MYB: variants seen among roughly 807,000 people sequenced by gnomAD.
The protein encoded by MYB is MYB proto-oncogene, transcription factor.
MYB carries 28 observed loss-of-function variants against 92.9 expected under a neutral mutation model. The ratio of observed to expected loss-of-function variants is 0.30; its 90% CI spans 0.22 to 0.41. The LOEUF is 0.41. Among genes scored for constraint, MYB ranks in the 10% least tolerant of loss-of-function variants. The pLI, the probability that MYB is intolerant of heterozygous loss-of-function variation, is 1.00. For missense variants in MYB, 679 were observed against 929.3 expected (o/e 0.73, Z 3.50); for synonymous variants, 295 against 329.1 (o/e 0.90, Z 1.12).
In MYB at chr6:135,181,716, A is replaced by C. The variant is rs1775066171; in HGVS notation, c.23+180A>C. Reference sequence around the variant, plus strand: ...CGCTCCAGAGACTGATGAATGGAAGAGTCTTTGCGGGAAATGTATCCGGAC... The same window carrying C: ...CGCTCCAGAGACTGATGAATGGAAGCGTCTTTGCGGGAAATGTATCCGGAC... On this transcript the variant is annotated intron_variant, in intron 1 of 15. Coordinates refer to ENST00000341911, the MANE Select transcript of MYB (RefSeq NM_001130173.2). This position sits in a 1 kb window ranked among gnomAD's most constrained non-coding sequence, Gnocchi z 5.3. Among the ~76,000 whole-genome samples, 1 of 152,318 alleles carries C rather than the reference A, an allele frequency of 6.6e-6. No homozygotes were observed. The highest frequency in any genetic ancestry group is 2.4e-5 in the African/African-American group (1 of 41,592).
intron 15 of MYB, among the ~76,000 whole-genome samples, chr6:135,213,734 T>A (rs1332408331): frequency 1.3e-5 from 2 of 151,836 alleles, no homozygotes; most frequent in Non-Finnish European, 2.9e-5. Context: ...ATACAAAAAT[T>A]AGCCAGGTGT....
rs117185926 is a variant in MYB at position 135,210,649 on chromosome 6, G to A, written c.2170-7215G>A. 6.8e-4 allele frequency among the ~76,000 whole-genome samples: 104 copies of A among 152,344 alleles called. 1 individual carries two copies. In the East Asian group the frequency reaches 0.019, roughly 28 times the overall value. On this transcript the variant is annotated intron_variant, in intron 15 of 15. Coordinates refer to ENST00000341911, the MANE Select transcript of MYB (RefSeq NM_001130173.2). ...TGGGGGCAACAGAACCTGGGTTCCA[G>A]GCTAGACTCCACTGTTTTCAAACGG... is the stretch of plus-strand genomic sequence containing the variant.
chr6:135,205,470 T>C (rs765331616), intron 15 of MYB, among the ~76,000 whole-genome samples: 1 of 152,212 alleles, frequency 6.6e-6, no homozygotes, highest in African/African-American at 2.4e-5. Flanking sequence ...TTGAAACCCA[T>C]AGTTCAGTAT....
intron 15 of MYB, among the ~76,000 whole-genome samples, chr6:135,207,751 T>G (rs1248088755): frequency 2.6e-5 from 4 of 151,872 alleles, no homozygotes; most frequent in Non-Finnish European, 5.9e-5. Flanking sequence ...TTTTTTTTTT[T>G]TGAGATGAAA....
At position 135,195,797 on chromosome 6, in the gene MYB, C is replaced by T. The variant is rs1777218510; in HGVS notation, c.998C>T (p.Ala333Val). The change falls in exon 9 of 16, where the codon GCC becomes GTC. Residue 333 changes from alanine (A) to valine (V), a missense_variant. This residue lies in a region of MYB where 56 missense variants were observed against 55.8 expected (regional missense o/e 1.00). Transcript: ENST00000341911. ...SYPGWHSTTI[A>V]DHTRPHGDSA... is the part of the protein sequence containing the mutation. ...CCCGGGTGGCACAGCACCACCATTG[C>T]CGACCACACCAGACCTCATGGAGAC... is the stretch of plus-strand genomic sequence containing the variant. 3 of 1,614,080 alleles carry T rather than the reference C, an allele frequency of 1.9e-6. No individual in the cohort carries two copies. The highest frequency in any genetic ancestry group is 2.5e-6 in the Non-Finnish European group (3 of 1,180,044).
At chr6:135,185,026 C>T (rs988409795) in intron 1 of MYB, among the ~76,000 whole-genome samples, 4 of 152,178 alleles carry the variant, frequency 2.6e-5, no homozygotes, top group Non-Finnish European at 4.4e-5. Context: ...AAAAAGCTTT[C>T]GAAAATAGTA....
intron 8 of MYB, chr6:135,195,001 G>T: frequency 7.5e-7 from 1 of 1,340,022 alleles, no homozygotes; most frequent in Non-Finnish European, 9.8e-7. Context: ...TTAGCGACTG[G>T]GCAGCCAACT....
intron 14 of MYB, among the ~76,000 whole-genome samples, chr6:135,201,955 G>A (rs1047997806): frequency 6.6e-6 from 1 of 152,082 alleles, no homozygotes; most frequent in African/African-American, 2.4e-5. Flanking sequence ...AAACATTGCA[G>A]ACTTTTTCAT....
chr6:135,192,258 G>A, intron 5 of MYB, 66 bp from the exon 6 acceptor site: 3 of 1,317,910 alleles, frequency 2.3e-6, no homozygotes, highest in South Asian at 2.4e-5. Context: ...ACAGTTTTCT[G>A]TCAATTCACT....
chr6:135,199,821 A>G (rs1274824422), intron 11 of MYB, among the ~76,000 whole-genome samples: 1 of 152,274 alleles, frequency 6.6e-6, no homozygotes, highest in African/African-American at 2.4e-5. Context: ...TAGGCACTAC[A>G]TGTGTCTTCA....
rs147863528 is a variant in MYB at position 135,212,098 on chromosome 6, G to C, written c.2170-5766G>C. Among the ~76,000 whole-genome samples, 443 of 151,750 alleles carry C rather than the reference G, an allele frequency of 2.9e-3. 1 individual carries two copies. Among genetic ancestry groups the C allele is most frequent in the African/African-American group, 9.9e-3 (410 of 41,394 alleles). On this transcript the variant is annotated intron_variant, in intron 15 of 15. Coordinates refer to ENST00000341911, the MANE Select transcript of MYB (RefSeq NM_001130173.2). ...GTCCAGAGGAAGTATTTTTTTTTCAGATAGGTGAAATAGAATAAGCAGAAA... is the reference window on the plus strand; with the variant it reads ...GTCCAGAGGAAGTATTTTTTTTTCACATAGGTGAAATAGAATAAGCAGAAA...
chr6:135,218,111 G>T lies in MYB; in HGVS notation c.*131G>T. The T allele has an allele frequency of 1.5e-6, 1 of 662,662 alleles. No homozygotes were observed. The highest frequency in any genetic ancestry group is 2.8e-5 in the East Asian group (1 of 35,316). 41.0% of individuals were successfully genotyped at this position (662,662 alleles called of 1,614,324 possible). On this transcript the variant is annotated 3_prime_UTR_variant, in exon 16 of 16. Transcript: ENST00000341911. ...TGTTGTGGTACAACAGTTGAGAGCAGCACCAAGTGCATTTAGTTGAATGAA... is the reference window on the plus strand; with the variant it reads ...TGTTGTGGTACAACAGTTGAGAGCATCACCAAGTGCATTTAGTTGAATGAA...
chr6:135,206,482 G>C (rs1304585072), intron 15 of MYB, among the ~76,000 whole-genome samples: 5 of 151,888 alleles, frequency 3.3e-5, no homozygotes, highest in African/African-American at 1.2e-4. Context: ...TGGATCACAA[G>C]GTCAGGAGTT....
At chr6:135,192,687 A>G (rs910826403) in intron 6 of MYB, 129 bp downstream of exon 6, 4 of 816,926 alleles carry the variant, frequency 4.9e-6, no homozygotes, top group Non-Finnish European at 7.9e-6. Context: ...GTCTTCACCT[A>G]TGCCCTTTGA....
intron 15 of MYB, among the ~76,000 whole-genome samples, chr6:135,205,307 A>G (rs901460275): frequency 1.3e-5 from 2 of 150,276 alleles, no homozygotes; most frequent in African/African-American, 4.9e-5. Context: ...AACTACTGCT[A>G]TTCGTGTTTT....
chr6:135,192,255 T>C, intron 5 of MYB, 69 bp from the exon 6 acceptor site: 1 of 1,284,466 alleles, frequency 7.8e-7, no homozygotes, highest in South Asian at 1.2e-5. Context: ...GAAACAGTTT[T>C]CTGTCAATTC....
rs1777444911 is a variant in MYB at position 135,197,195 on chromosome 6, C to T, written c.1438C>T (p.Leu480Phe). 1 of 1,613,902 alleles carries T rather than the reference C, an allele frequency of 6.2e-7. No homozygotes were observed. The highest frequency in any genetic ancestry group is 8.5e-7 in the Non-Finnish European group (1 of 1,179,846). The change falls in exon 10 of 16, where the codon CTT (leucine) becomes TTT (phenylalanine). Residue 480 changes from leucine (L) to phenylalanine (F), a missense_variant. By Grantham distance (22) the Leu-to-Phe change is conservative. Around this residue, in one of 8 missense-constraint regions of MYB, gnomAD observed 402 missense variants for 434.2 expected, o/e 0.93. Transcript: ENST00000341911. ...ARHSTIPLVILRKKRGQASPL... is the reference protein window; with the variant it reads ...ARHSTIPLVIFRKKRGQASPL... ...GCACAGCACAATTCCACTGGTCATCCTTCGAAAAAAACGGGGCCAGGCCAG... is the reference window on the plus strand; with the variant it reads ...GCACAGCACAATTCCACTGGTCATCTTTCGAAAAAAACGGGGCCAGGCCAG...
chr6:135,215,572 T>C (rs911641198), intron 15 of MYB, among the ~76,000 whole-genome samples: 4 of 152,218 alleles, frequency 2.6e-5, no homozygotes, highest in Admixed American at 2.0e-4. Context: ...AGAGGAGTTA[T>C]ATCAATAACA....
chr6:135,205,277 G>A (rs1406482533), intron 15 of MYB, among the ~76,000 whole-genome samples: 5 of 150,024 alleles, frequency 3.3e-5, no homozygotes, highest in Non-Finnish European at 5.9e-5. Context: ...TTGGCTCTTG[G>A]TTTCTAGAGA....
Sources: allele counts gnomAD v4.1 joint callset (sites outside exome capture counted in the v4.1 genomes callset), GRCh38; gene constraint gnomAD v4.1.1; regional missense constraint gnomAD v4.1.1; non-coding constraint Gnocchi (gnomAD v3.1); transcripts MANE v1.5; gene names NCBI Gene and HGNC (gene_info 2026-07-23, HGNC 2026-07-21).